Variants in NEDD4L observed in about 807,000 individuals in gnomAD.
NEDD4L encodes NEDD4 like E3 ubiquitin protein ligase.
A neutral mutation model predicts 148.9 loss-of-function variants in NEDD4L; 54 were observed. The ratio of observed to expected loss-of-function variants is 0.36; its 90% CI spans 0.29 to 0.45. The LOEUF (loss-of-function observed/expected upper bound fraction) is 0.45. NEDD4L is among the 20% of genes least tolerant of loss of function. The probability of loss-of-function intolerance (pLI) is 1.00; values close to 1 mark genes in which losing one functional copy is unlikely to be tolerated. For synonymous variants in NEDD4L, 433 were observed against 440.7 expected, an observed-to-expected ratio of 0.98 and a Z score of 0.22; for missense variants, 856 against 1,233.8, an observed-to-expected ratio of 0.69 and a Z score of 4.59.
At chr18:58,070,498 T>C (rs1295288950) in intron 1 of NEDD4L, among the ~76,000 whole-genome samples, 1 of 152,010 alleles carries the variant, frequency 6.6e-6, no homozygotes, top group Non-Finnish European at 1.5e-5. Flanking sequence ...ACAGTTTTTT[T>C]AAAATGGAGA....
chr18:58,107,235 G>A lies in NEDD4L; in HGVS notation c.49-58553G>A, dbSNP rs191396261. Among the ~76,000 whole-genome samples the A allele has an allele frequency of 5.9e-5, 9 of 152,248 alleles. 1 individual carries two copies. In the East Asian group the frequency reaches 1.3e-3, roughly 23 times the overall value. The stretch of plus-strand genomic sequence containing the variant: ...CTGACTCCTTATACAGTCACACTCC[G>A]AGGTACTGGGGATTAGGATTTCAAT... On this transcript the variant is annotated intron_variant, in intron 1 of 30. Coordinates refer to ENST00000400345, the MANE Select transcript of NEDD4L (RefSeq NM_001144967.3).
chr18:58,351,395 C>A (rs1218317955), intron 18 of NEDD4L, among the ~76,000 whole-genome samples: 1 of 152,160 alleles, frequency 6.6e-6, no homozygotes, highest in East Asian at 1.9e-4. Flanking sequence ...ATGATTTAGT[C>A]AAAAATCTGT....
rs114391081 is a variant in NEDD4L, at chr18:58,383,333, T to C, written c.2426+14T>C. 3.9e-4 allele frequency: 538 copies of C among 1,386,602 alleles called. 3 individuals are homozygous for C. In the African/African-American group the frequency reaches 6.9e-3, roughly 18 times the overall value. The allele number at this position is 1,386,602 out of a possible 1,614,324, so 85.9% of individuals were successfully genotyped here. A position where few individuals can be genotyped will look rare whatever the true frequency, so the allele number is the denominator to read the frequency against. On this transcript the variant is annotated intron_variant, in intron 25 of 30. Coordinates refer to ENST00000400345, the MANE Select transcript of NEDD4L (RefSeq NM_001144967.3). ...GGAATATATCGAGTATGTATACACA[T>C]ATTTACTGCCTTTTCTTTGAATAAT...
chr18:58,237,347 A>G lies in NEDD4L; in HGVS notation c.123-8080A>G, dbSNP rs148794446. Among the ~76,000 whole-genome samples, 927 of 152,302 alleles carry G rather than the reference A, an allele frequency of 6.1e-3. 7 individuals carry two copies. The highest frequency in any genetic ancestry group is 0.027 in the Middle Eastern group (8 of 294). ...ACAGTTTTTGTTTCCCCGTTTCCTT[A>G]TAGCCTTGTGAGTTGCTATCTCTCT... is the stretch of plus-strand genomic sequence containing the variant. On this transcript the variant is annotated intron_variant, in intron 2 of 30. Coordinates refer to ENST00000400345, the MANE Select transcript of NEDD4L (RefSeq NM_001144967.3).
rs780617420 is a variant in NEDD4L at position 58,335,502 on chromosome 18, C to T, written c.1090C>T (p.Arg364Cys). ...PPPSAPAGRA[R>C]SSTVTGGEEP... Reference sequence around the variant, plus strand: ...GCCCAGTGCCCCAGCTGGGAGAGCGCGTTCATCAACTGTCACGGGTGGTGA... The same window carrying T: ...GCCCAGTGCCCCAGCTGGGAGAGCGTGTTCATCAACTGTCACGGGTGGTGA... The change falls in exon 13 of 31, where the codon CGT becomes TGT. Residue 364 changes from arginine to cysteine, a missense_variant. Around this residue, in one of 4 missense-constraint regions of NEDD4L, gnomAD observed 367 missense variants for 422.7 expected, o/e 0.87. Transcript: ENST00000400345. 40 of 1,613,414 alleles carry T rather than the reference C, an allele frequency of 2.5e-5. 1 individual carries two copies. In the South Asian group the frequency reaches 2.6e-4, roughly 11 times the overall value.
chr18:58,218,468 C>G (rs999132999), intron 2 of NEDD4L, among the ~76,000 whole-genome samples: 1 of 152,120 alleles, frequency 6.6e-6, no homozygotes, highest in Non-Finnish European at 1.5e-5. Flanking sequence ...TGAAAGCATC[C>G]TCTCCTACTG....
intron 1 of NEDD4L, among the ~76,000 whole-genome samples, chr18:58,111,323 C>T (rs2085407119): frequency 6.6e-6 from 1 of 152,156 alleles, no homozygotes; most frequent in African/African-American, 2.4e-5. Context: ...CTGCCTTGGC[C>T]TCCCAAAGTG....
chr18:58,311,617 A>G (rs1051309933), intron 5 of NEDD4L, among the ~76,000 whole-genome samples: 1 of 152,202 alleles, frequency 6.6e-6, no homozygotes, highest in Non-Finnish European at 1.5e-5. Context: ...CTTGAAAGGA[A>G]TAGGGTGGGG....
At chr18:58,115,598 T>C (rs2085766546) in intron 1 of NEDD4L, among the ~76,000 whole-genome samples, 1 of 152,150 alleles carries the variant, frequency 6.6e-6, no homozygotes, top group Non-Finnish European at 1.5e-5. Flanking sequence ...CTGGTCTGAA[T>C]TGAGAATGGG....
intron 16 of NEDD4L, among the ~76,000 whole-genome samples, chr18:58,346,826 G>A (rs1039298904): frequency 4.6e-5 from 7 of 151,978 alleles, no homozygotes; most frequent in African/African-American, 1.7e-4. Flanking sequence ...CAGAGCCCTC[G>A]TTAGTATTCC....
intron 2 of NEDD4L, among the ~76,000 whole-genome samples, chr18:58,235,890 G>A (rs1053881709): frequency 7.2e-5 from 11 of 151,992 alleles, no homozygotes; most frequent in African/African-American, 1.9e-4. Context: ...CTTTATAGCC[G>A]GGTGTGGTGG....
At chr18:58,326,445 G>C (rs536486174) in intron 9 of NEDD4L, among the ~76,000 whole-genome samples, 1 of 152,234 alleles carries the variant, frequency 6.6e-6, no homozygotes, top group Admixed American at 6.5e-5. Flanking sequence ...GATTCTTTTT[G>C]TTTTTTATAT....
intron 2 of NEDD4L, among the ~76,000 whole-genome samples, chr18:58,175,047 T>C (rs2037966040): frequency 6.6e-6 from 1 of 152,258 alleles, no homozygotes; most frequent in Non-Finnish European, 1.5e-5. Flanking sequence ...GACCAAAGTT[T>C]GCAGACAGTT....
At chr18:58,219,735 C>G (rs554532638) in intron 2 of NEDD4L, among the ~76,000 whole-genome samples, 2 of 152,318 alleles carry the variant, frequency 1.3e-5, no homozygotes, top group Admixed American at 6.5e-5. Flanking sequence ...AATACCCTCT[C>G]TCTAAATACA....
At chr18:58,132,872 A>T (rs2032349283) in intron 1 of NEDD4L, among the ~76,000 whole-genome samples, 1 of 152,234 alleles carries the variant, frequency 6.6e-6, no homozygotes, top group South Asian at 2.1e-4. Flanking sequence ...GATTTTTAAC[A>T]TGTAGGGTAA....
intron 1 of NEDD4L, among the ~76,000 whole-genome samples, chr18:58,154,141 A>T (rs879245304): frequency 6.6e-6 from 1 of 152,242 alleles, no homozygotes; most frequent in Non-Finnish European, 1.5e-5. Flanking sequence ...GACATGTGAC[A>T]TGGGCGTTTA....
At chr18:58,357,734 G>T (rs1052016862) in intron 19 of NEDD4L, among the ~76,000 whole-genome samples, 1 of 152,144 alleles carries the variant, frequency 6.6e-6, no homozygotes, top group East Asian at 1.9e-4. Flanking sequence ...GAACTCTGCC[G>T]ACCCACAGTG....
intron 2 of NEDD4L, among the ~76,000 whole-genome samples, chr18:58,234,107 T>A (rs1331776038): frequency 1.3e-5 from 1 of 76,088 alleles, no homozygotes. Context: ...CTTTCTTTTC[T>A]TTTCTTTTCT....
At chr18:58,226,084 T>C (rs956748715) in intron 2 of NEDD4L, among the ~76,000 whole-genome samples, 1 of 152,180 alleles carries the variant, frequency 6.6e-6, no homozygotes, top group Non-Finnish European at 1.5e-5. Context: ...CTCTTATGTA[T>C]AGAAGGGTAA....
Sources: allele counts gnomAD v4.1 joint callset (sites outside exome capture counted in the v4.1 genomes callset), GRCh38; gene constraint gnomAD v4.1.1; regional missense constraint gnomAD v4.1.1; transcripts MANE v1.5; gene names NCBI Gene and HGNC (gene_info 2026-07-23, HGNC 2026-07-21).